The following GSE1 variants were observed in gnomAD, a reference collection of about 807,000 sequenced individuals.
The protein encoded by GSE1 is genetic suppressor element 1.
GSE1 carries 32 observed loss-of-function variants against 112.6 expected under a neutral mutation model. The ratio of observed to expected loss-of-function variants is 0.28; its 90% CI spans 0.21 to 0.38. The LOEUF is 0.38. Among genes scored for constraint, GSE1 ranks in the 10% least tolerant of loss-of-function variants. The pLI, the probability that GSE1 is intolerant of heterozygous loss-of-function variation, is 1.00. For synonymous variants in GSE1, 1,115 were observed against 735.6 expected, an observed-to-expected ratio of 1.52 and a Z score of -8.35; for missense variants, 2,348 against 1,699.2, an observed-to-expected ratio of 1.38 and a Z score of -6.71.
At chr16:85,270,751 T>G (rs1908748977) in intron 1 of GSE1, among the ~76,000 whole-genome samples, 1 of 125,972 alleles carries the variant, frequency 7.9e-6, no homozygotes, top group South Asian at 2.3e-4. Flanking sequence ...AATGTCGCCC[T>G]GGGTGTTTCC....
At chr16:85,631,072 GT>G (rs1449528012) in intron 1 of GSE1, among the ~76,000 whole-genome samples, 1 of 152,158 alleles carries the variant, frequency 6.6e-6, no homozygotes, top group Non-Finnish European at 1.5e-5. Flanking sequence ...CTCTCCTAGC[GT>G]CACCCTCCTG....
chr16:85,660,932 G>A (rs892392875), intron 8 of GSE1, among the ~76,000 whole-genome samples: 1 of 152,064 alleles, frequency 6.6e-6, no homozygotes, highest in African/African-American at 2.4e-5. Flanking sequence ...GCCCGGCCGA[G>A]TCTTTAAAGA....
chr16:85,315,352 A>T (rs1007049345), intron 1 of GSE1, among the ~76,000 whole-genome samples: 1 of 152,084 alleles, frequency 6.6e-6, no homozygotes, highest in Non-Finnish European at 1.5e-5. Flanking sequence ...TTTGCTTACA[A>T]ATAGGGTTCA....
chr16:85,625,563 G>A (rs748218879), intron 1 of GSE1, among the ~76,000 whole-genome samples: 5 of 152,128 alleles, frequency 3.3e-5, no homozygotes, highest in Non-Finnish European at 7.4e-5. Context: ...GCTGTTGTGT[G>A]GACGTCTCCC....
chr16:85,530,441 C>T (rs911852817), intron 2 of GSE1, among the ~76,000 whole-genome samples: 24 of 152,066 alleles, frequency 1.6e-4, no homozygotes, highest in African/African-American at 5.6e-4. Context: ...AATAATCTTA[C>T]GATTTGCAGC....
chr16:85,469,063 C>T (rs1267451194), intron 2 of GSE1, among the ~76,000 whole-genome samples: 5 of 151,924 alleles, frequency 3.3e-5, no homozygotes, highest in South Asian at 2.1e-4. Flanking sequence ...AAGACCAGCC[C>T]GGCCAATGTG....
intron 1 of GSE1, among the ~76,000 whole-genome samples, chr16:85,262,625 T>C (rs8053353): frequency 0.26 from 39,626 of 152,212 alleles, 5,229 homozygotes; most frequent in South Asian, 0.3. Flanking sequence ...GCCTGATCCC[T>C]AGAGCCTGAA....
rs771349834 is a variant in GSE1 at position 85,672,467 on chromosome 16, C to G, written c.3582C>G (p.Asp1194Glu). ...GGGAGCGGCTCCAGGCAGAACTGGA[C>G]CACTTACGAAAGTGCCTTGCCTTGC... Reference protein sequence around the residue: ...SERERLQAELDHLRKCLALPA... With the variant: ...SERERLQAELEHLRKCLALPA... The change falls in exon 16 of 16, where the codon GAC becomes GAG. Residue 1194 changes from aspartate to glutamate, a missense_variant. Transcript: ENST00000253458. 82 of 1,608,840 alleles carry G rather than the reference C, an allele frequency of 5.1e-5. No individual in the cohort carries two copies. The highest frequency in any genetic ancestry group is 6.1e-5 in the Non-Finnish European group (72 of 1,175,652).
intron 2 of GSE1, among the ~76,000 whole-genome samples, chr16:85,420,151 C>CTGAAGTAGGAGGACTGCT (rs2048801094): frequency 6.6e-6 from 1 of 152,124 alleles, no homozygotes; most frequent in Non-Finnish European, 1.5e-5. Flanking sequence ...CTTTGGGAGG[C>CTGAAGTAGGAGGACTGCT]TGAAGTAGGA....
chr16:85,473,983 G>T (rs992954367), intron 2 of GSE1, among the ~76,000 whole-genome samples: 11 of 150,692 alleles, frequency 7.3e-5, no homozygotes, highest in African/African-American at 1.5e-4. Context: ...CGAAGGCCCT[G>T]GGGGGCAGCA....
intron 2 of GSE1, among the ~76,000 whole-genome samples, chr16:85,537,363 C>T (rs904498375): frequency 5.3e-5 from 8 of 152,222 alleles, no homozygotes; most frequent in Non-Finnish European, 1.2e-4. Flanking sequence ...AGGGGGATCT[C>T]TGCCCCGCTC....
At chr16:85,643,061 T>C (rs2151830211) in intron 2 of GSE1, among the ~76,000 whole-genome samples, 1 of 152,318 alleles carries the variant, frequency 6.6e-6, no homozygotes, top group Middle Eastern at 3.4e-3. Context: ...CAGGTGCTGC[T>C]GTGGCGCTGC....
intron 2 of GSE1, among the ~76,000 whole-genome samples, chr16:85,530,011 C>T (rs1328809380): frequency 6.6e-6 from 1 of 152,228 alleles, no homozygotes; most frequent in Non-Finnish European, 1.5e-5. Flanking sequence ...TTTGCCCAGC[C>T]CCTTGTGCAG....
At chr16:85,231,652 C>T (rs1904288209) in intron 1 of GSE1, among the ~76,000 whole-genome samples, 2 of 152,188 alleles carry the variant, frequency 1.3e-5, no homozygotes, top group African/African-American at 4.8e-5. Flanking sequence ...CCTCTCCCTG[C>T]CTTCCTTAGG....
At chr16:85,434,345 A>ATCATCATCATCATC (rs1555511268) in intron 2 of GSE1, among the ~76,000 whole-genome samples, 54 of 143,496 alleles carry the variant, frequency 3.8e-4, no homozygotes, top group African/African-American at 9.9e-4. Context: ...TAATAATAAT[A>ATCATCATCATCATC]ATCAGTGCCG....
At chr16:85,290,512 G>C (rs1292774806) in intron 1 of GSE1, among the ~76,000 whole-genome samples, 1 of 152,162 alleles carries the variant, frequency 6.6e-6, no homozygotes, top group South Asian at 2.1e-4. Flanking sequence ...CCTTCTGTGT[G>C]TTCATTCCAC....
rs565866362 is a variant in GSE1 at position 85,639,958 on chromosome 16, C to T, written c.226+5826C>T. ...CAGGCAGCACCTGGGACCAGGCACC[C>T]CCTCCCTGGGAAACAGTTGGGGGCG... On this transcript the variant is annotated intron_variant, in intron 2 of 15. Coordinates refer to ENST00000253458, the MANE Select transcript of GSE1 (RefSeq NM_014615.5). Among the ~76,000 whole-genome samples the T allele has an allele frequency of 1.2e-4, 18 of 152,206 alleles. No individual in the cohort carries two copies. The East Asian group carries it at 3.3e-3, about 28-fold the overall frequency.
chr16:85,287,473 G>A (rs535944522), intron 1 of GSE1, among the ~76,000 whole-genome samples: 2 of 152,178 alleles, frequency 1.3e-5, no homozygotes, highest in Admixed American at 6.5e-5. Flanking sequence ...TCTCCTCCAC[G>A]CACCCGCTCT....
At chr16:85,541,570 G>A (rs138370312) in intron 2 of GSE1, among the ~76,000 whole-genome samples, 7 of 152,364 alleles carry the variant, frequency 4.6e-5, no homozygotes, top group African/African-American at 7.2e-5. Context: ...CAGCCACTCC[G>A]TGGACAAGGC....
Sources: gnomAD v4.1 joint callset for allele counts (sites outside exome capture counted in the v4.1 genomes callset) on GRCh38, gnomAD v4.1.1 for gene constraint, MANE v1.5 for transcripts, NCBI Gene and HGNC (gene_info 2026-07-23, HGNC 2026-07-21) for gene names.